Variants in STS observed in about 807,000 individuals in gnomAD.
STS encodes the protein steryl-sulfatase.
STS carries 7 observed loss-of-function variants against 26.8 expected under a neutral mutation model. That is an observed-to-expected ratio of 0.26 (90% CI 0.15 to 0.49). The LOEUF (loss-of-function observed/expected upper bound fraction) is 0.49. Among genes scored for constraint, STS ranks in the 20% least tolerant of loss-of-function variants. The pLI, the probability that STS is intolerant of heterozygous loss-of-function variation, is 0.98. For synonymous variants in STS, 199 were observed against 189.4 expected, an observed-to-expected ratio of 1.05 and a Z score of -0.42; for missense variants, 434 against 465.6, an observed-to-expected ratio of 0.93 and a Z score of 0.63.
At chrX:7,301,635 A>G (rs887538445) in intron 7 of STS, among the ~76,000 whole-genome samples, 1 of 111,571 alleles carries the variant, frequency 9.0e-6, no homozygotes, top group South Asian at 3.7e-4. Context: ...GGACAAAGGT[A>G]TAATGGCATG....
intron 6 of STS, among the ~76,000 whole-genome samples, chrX:7,270,200 A>G (rs1441053150): frequency 8.9e-6 from 1 of 112,303 alleles, no homozygotes; most frequent in East Asian, 2.8e-4. Flanking sequence ...AGAGTTGTTT[A>G]CTGAAGTACT....
intron 1 of STS, among the ~76,000 whole-genome samples, chrX:7,171,002 A>G (rs1282127919): frequency 2.7e-5 from 3 of 111,584 alleles, no homozygotes; most frequent in Non-Finnish European, 5.6e-5. Context: ...ATCCCCTGGT[A>G]CAATGGGCCA....
chrX:7,298,919 A>G (rs1337242107), intron 7 of STS, among the ~76,000 whole-genome samples: 6 of 103,975 alleles, frequency 5.8e-5, no homozygotes, highest in Admixed American at 2.2e-4. Context: ...TTAAGGGGAT[A>G]TCTACCTATC....
intron 7 of STS, among the ~76,000 whole-genome samples, chrX:7,287,769 AT>A (rs1415414789): frequency 2.7e-5 from 3 of 110,493 alleles, no homozygotes; most frequent in Non-Finnish European, 5.7e-5. Flanking sequence ...TAATTTTGAA[AT>A]AAAAATTCAG....
At chrX:7,231,222 A>G (rs1187103208) in intron 2 of STS, among the ~76,000 whole-genome samples, 4 of 111,772 alleles carry the variant, frequency 3.6e-5, no homozygotes, top group South Asian at 7.6e-4. Context: ...AGGCACAGGG[A>G]TCTCCGTTTA....
intron 1 of STS, among the ~76,000 whole-genome samples, chrX:7,150,517 G>A (rs1487277492): frequency 1.8e-5 from 2 of 111,193 alleles, no homozygotes; most frequent in African/African-American, 3.3e-5. Flanking sequence ...CACCGCCCCC[G>A]GCCAAAAAAG....
chrX:7,226,071 C>T (rs1921790484), intron 2 of STS, among the ~76,000 whole-genome samples: 1 of 112,078 alleles, frequency 8.9e-6, no homozygotes, highest in Non-Finnish European at 1.9e-5. Context: ...TAATTTTATA[C>T]AAACATATAA....
At chrX:7,217,427 G>C (rs756765176) in intron 2 of STS, among the ~76,000 whole-genome samples, 39 of 111,886 alleles carry the variant, frequency 3.5e-4, no homozygotes, top group Non-Finnish European at 5.6e-4. Context: ...TAAAGAGAAG[G>C]TAACAAGGCT....
chrX:7,214,532 C>T (rs1480464245), intron 2 of STS, among the ~76,000 whole-genome samples: 1 of 111,799 alleles, frequency 8.9e-6, no homozygotes, highest in Non-Finnish European at 1.9e-5. Context: ...ATAATGAGAA[C>T]AAGGTATTTT....
chrX:7,150,269 T>G (rs1569175051), intron 1 of STS, among the ~76,000 whole-genome samples: 1 of 112,121 alleles, frequency 8.9e-6, no homozygotes, highest in African/African-American at 3.2e-5. Flanking sequence ...TCACCCAGGC[T>G]GGAGCACGGT....
intron 2 of STS, among the ~76,000 whole-genome samples, chrX:7,204,251 A>G (rs1934139220): frequency 8.9e-6 from 1 of 111,862 alleles, no homozygotes; most frequent in African/African-American, 3.3e-5. Context: ...CCTACTTCTT[A>G]ATTTTCTAAC....
intron 2 of STS, among the ~76,000 whole-genome samples, chrX:7,198,112 A>G (rs1934003976): frequency 8.9e-6 from 1 of 111,882 alleles, no homozygotes; most frequent in Non-Finnish European, 1.9e-5. Flanking sequence ...TTATCAAGAC[A>G]GAAATAGAGA....
At chrX:7,279,633 G>T (rs1924759832) in intron 7 of STS, among the ~76,000 whole-genome samples, 1 of 109,143 alleles carries the variant, frequency 9.2e-6, no homozygotes, top group Non-Finnish European at 1.9e-5. Context: ...TCATATCTTG[G>T]TCTTCTTTTC....
At chrX:7,349,692 C>A (rs1165774519) in intron 10 of STS, among the ~76,000 whole-genome samples, 196 bp from the exon 11 acceptor site, 2 of 111,391 alleles carry the variant, frequency 1.8e-5, no homozygotes, top group Non-Finnish European at 3.8e-5. Flanking sequence ...TGACGCTGTT[C>A]CTGCTGGCTG....
At chrX:7,318,479 G>C (rs1926820141) in intron 8 of STS, among the ~76,000 whole-genome samples, 1 of 111,646 alleles carries the variant, frequency 9.0e-6, no homozygotes, top group Admixed American at 9.5e-5. Flanking sequence ...GCTCGGATGT[G>C]TTTATCATCT....
chrX:7,205,372 A>C (rs1172383432), intron 2 of STS, among the ~76,000 whole-genome samples: 1 of 111,739 alleles, frequency 8.9e-6, no homozygotes, highest in African/African-American at 3.3e-5. Context: ...TGGGGATATT[A>C]CATGTGAGAG....
At position 7,325,518 on chromosome X, in the gene STS, G is replaced by C. The variant is rs201259692; in HGVS notation, c.1241+20G>C. The C allele has an allele frequency of 8.4e-5, 102 of 1,207,195 alleles. No homozygotes were observed. In the African/African-American group the frequency reaches 1.5e-3, roughly 18 times the overall value. On this transcript the variant is annotated intron_variant, in intron 9 of 10. Transcript: ENST00000674429. ...GGACAGGTACTCTGATGCCAGGGTG[G>C]TTGGTATTGTTGAGCTCTGATTTCA...
At chrX:7,288,859 T>C (rs1925276312) in intron 7 of STS, among the ~76,000 whole-genome samples, 1 of 111,681 alleles carries the variant, frequency 9.0e-6, no homozygotes, top group African/African-American at 3.3e-5. Flanking sequence ...GCAAGGGCTA[T>C]GCAGAGGGTC....
At chrX:7,332,274 T>G (rs370199926) in intron 9 of STS, among the ~76,000 whole-genome samples, 3 of 107,857 alleles carry the variant, frequency 2.8e-5, no homozygotes, top group African/African-American at 6.8e-5. Context: ...AAGGCTGCAG[T>G]GAGCTATGGT....
Sources: allele counts gnomAD v4.1 joint callset (sites outside exome capture counted in the v4.1 genomes callset), GRCh38; gene constraint gnomAD v4.1.1; transcripts MANE v1.5; gene names NCBI Gene and HGNC (gene_info 2026-07-23, HGNC 2026-07-21).